KIF22: variants seen among roughly 807,000 people sequenced by gnomAD.
KIF22 encodes kinesin family member 22.
KIF22 carries 62 observed loss-of-function variants against 73.0 expected under a neutral mutation model. The ratio of observed to expected loss-of-function variants is 0.85; its 90% CI spans 0.69 to 1.05. The LOEUF is 1.05. KIF22 is among the 50% of genes least tolerant of loss of function. KIF22 has a pLI of 0.00. For missense variants in KIF22, 854 were observed against 870.1 expected (o/e 0.98, Z 0.23); for synonymous variants, 411 against 340.1 (o/e 1.21, Z -2.29).
At chr16:29,790,855 C>G (rs1370598233) in intron 1 of KIF22, 26 bp downstream of exon 1, 2 of 1,583,592 alleles carry the variant, frequency 1.3e-6, no homozygotes, top group Admixed American at 1.8e-5. Context: ...CTGGGCAAGG[C>G]GGGTACCGAC....
At position 29,805,137 on chromosome 16, in the gene KIF22, A is replaced by G. The variant is rs772351052; in HGVS notation, c.1913A>G (p.Glu638Gly). 7 of 1,613,378 alleles carry G rather than the reference A, an allele frequency of 4.3e-6. No homozygotes were observed. The highest frequency in any genetic ancestry group is 5.9e-6 in the Non-Finnish European group (7 of 1,179,938). The change falls in exon 13 of 14, where the codon GAG becomes GGG. Residue 638 changes from glutamate to glycine, a missense_variant. By Grantham distance (98) the Glu-to-Gly change is moderately conservative (BLOSUM62 -2). Transcript: ENST00000160827. ...FSQVEDLERVEGITGKQMESF... is the reference protein window; with the variant it reads ...FSQVEDLERVGGITGKQMESF... Reference sequence around the variant, plus strand: ...CAGGTGGAGGACCTGGAACGCGTGGAGGGCATAACGGGGAAACAGATGGAG... The same window carrying G: ...CAGGTGGAGGACCTGGAACGCGTGGGGGGCATAACGGGGAAACAGATGGAG...
chr16:29,803,064 C>T (rs917862411), intron 9 of KIF22, 127 bp downstream of exon 9: 1 of 904,766 alleles, frequency 1.1e-6, no homozygotes, highest in African/African-American at 1.7e-5. Flanking sequence ...CGGAAGTTCT[C>T]CAGCTTCTGC....
Position 29,803,723 on chromosome 16 carries a change from A to AGG in KIF22, c.1609+117_1609+118dup, listed in dbSNP as rs1899228788. The AGG allele has an allele frequency of 6.0e-5, 56 of 935,608 alleles. 1 individual carries two copies. In the South Asian group the frequency reaches 8.7e-4, roughly 14 times the overall value. The allele number at this position is 935,608 out of a possible 1,614,324, so 58.0% of individuals were successfully genotyped here. ...TATTCTCCCACCACATACCAGTCCC[A>AGG]GGGAGGGGTGAGGAGGCTCTGAGGC... On this transcript the variant is annotated intron_variant, in intron 10 of 13. Coordinates refer to ENST00000160827, the MANE Select transcript of KIF22 (RefSeq NM_007317.3).
Position 29,805,343 on chromosome 16 carries a change from T to C in KIF22, c.*33T>C. On this transcript the variant is annotated 3_prime_UTR_variant, in exon 14 of 14. Coordinates refer to ENST00000160827, the MANE Select transcript of KIF22 (RefSeq NM_007317.3). ...CTCCTCACTCCGCCTTTTCAAATTT[T>C]TGTATAACCCCGTGTTGTGTAAATA... 6.2e-7 allele frequency: 1 copy of C among 1,604,470 alleles called. No homozygotes were observed. Among genetic ancestry groups the C allele is most frequent in the Non-Finnish European group, 8.5e-7 (1 of 1,175,670 alleles).
chr16:29,792,875 G>A (rs1898853688), intron 1 of KIF22, among the ~76,000 whole-genome samples: 1 of 152,168 alleles, frequency 6.6e-6, no homozygotes, highest in Admixed American at 6.5e-5. Context: ...AATGACTAGA[G>A]GGCAGGGAGA....
At chr16:29,799,836 T>G (rs1899073561) in intron 7 of KIF22, 55 bp downstream of exon 7, 2 of 1,612,744 alleles carry the variant, frequency 1.2e-6, no homozygotes, top group Non-Finnish European at 1.7e-6. Context: ...TTAGGGAGTT[T>G]GTTGAAACCA....
Position 29,799,479 on chromosome 16 carries a change from C to G in KIF22, c.975C>G (p.Leu325=), listed in dbSNP as rs1160719765. ...LPRVPYRDSK[L]TRLLQDSLGG... is the part of the protein sequence containing the mutation. ...GTGTACCTTATCGGGACAGCAAGCT[C>G]ACTCGCCTATTGCAGGTCAGGCCCA... is the stretch of plus-strand genomic sequence containing the variant. The change falls in exon 6 of 14, where the codon CTC becomes CTG. Residue 325 remains leucine, a synonymous_variant. Transcript: ENST00000160827. 6.2e-7 allele frequency: 1 copy of G among 1,614,162 alleles called. No homozygotes were observed.
rs775322288 is a variant in KIF22, at chr16:29,790,779, C to A, written c.20C>A (p.Thr7Lys). MAAGGS[T>K]QQRRREMAAA... ...AGTGGAATGGCCGCGGGCGGCTCGACGCAGCAGAGGCGACGCGAGATGGCG... is the reference window on the plus strand; with the variant it reads ...AGTGGAATGGCCGCGGGCGGCTCGAAGCAGCAGAGGCGACGCGAGATGGCG... Residue 7 changes from threonine to lysine, a missense_variant, in exon 1 of 14, where the codon ACG (threonine) becomes AAG (lysine). This residue lies in a region of KIF22 where 186 missense variants were observed against 152.9 expected (regional missense o/e 1.22). Coordinates refer to ENST00000160827, the MANE Select transcript of KIF22 (RefSeq NM_007317.3). 17 of 1,600,638 alleles carry A rather than the reference C, an allele frequency of 1.1e-5. No individual in the cohort carries two copies. The East Asian group carries it at 2.5e-4, about 23-fold the overall frequency.
At chr16:29,805,201 T>C (rs780397361) in intron 13 of KIF22, 27 bp downstream of exon 13, 8 of 1,614,086 alleles carry the variant, frequency 5.0e-6, no homozygotes, top group Non-Finnish European at 6.8e-6. Context: ...GCCCCTCCTC[T>C]GCCTGTCCTG....
At chr16:29,790,932 C>A in intron 1 of KIF22, 103 bp downstream of exon 1, 1 of 1,516,106 alleles carries the variant, frequency 6.6e-7, no homozygotes, top group Non-Finnish European at 8.9e-7. Flanking sequence ...CGCGGAGAGG[C>A]GGCCATGGCG....
In KIF22 at chr16:29,799,326, C is replaced by T; in HGVS notation, c.822C>T (p.Asp274=). ...GAGAGGGAAAACTCTACCTGATTGA[C>T]TTGGCTGGGTCAGAGGACAACCGGC... is the stretch of plus-strand genomic sequence containing the variant. The part of the protein sequence containing the change: ...RQREGKLYLI[D]LAGSEDNRRT... The change falls in exon 6 of 14, where the codon GAC becomes GAT. Residue 274 remains aspartate (D), a synonymous_variant. Transcript: ENST00000160827. 1 of 1,614,236 alleles carries T rather than the reference C, an allele frequency of 6.2e-7. No homozygotes were observed. Among genetic ancestry groups the T allele is most frequent in the Non-Finnish European group, 8.5e-7 (1 of 1,180,046 alleles).
In KIF22 at chr16:29,803,555, C is replaced by T. The variant is rs764488170; in HGVS notation, c.1556C>T (p.Thr519Ile). ...PTMLRPLSHR[T>I]VTGAKPLKKA... ...ATGCTCCGGCCCCTTTCACATCGCACAGTCACAGGGGCAAAGCCCCTGAAA... is the reference window on the plus strand; with the variant it reads ...ATGCTCCGGCCCCTTTCACATCGCATAGTCACAGGGGCAAAGCCCCTGAAA... The change falls in exon 10 of 14, where the codon ACA (threonine) becomes ATA (isoleucine). Residue 519 changes from threonine (T) to isoleucine (I), a missense_variant. By Grantham distance (89) the Thr-to-Ile change is moderately conservative. This residue lies in a region of KIF22 where 423 missense variants were observed against 365.4 expected (regional missense o/e 1.16). Transcript: ENST00000160827. 6.8e-6 allele frequency: 11 copies of T among 1,613,630 alleles called. No individual in the cohort carries two copies. Among genetic ancestry groups the T allele is most frequent in the Non-Finnish European group, 9.3e-6 (11 of 1,179,802 alleles).
rs767798066 is a variant in KIF22 at position 29,799,652 on chromosome 16, A to G, written c.1015A>G (p.Ser339Gly). The G allele has an allele frequency of 1.2e-6, 2 of 1,613,968 alleles. No homozygotes were observed. Among genetic ancestry groups the G allele is most frequent in the African/African-American group, 1.3e-5 (1 of 74,898 alleles). The change falls in exon 7 of 14, where the codon AGT becomes GGT. Residue 339 changes from serine to glycine, a missense_variant. Ser to Gly is a moderately conservative substitution (Grantham distance 56). This residue lies in a region of KIF22 where 245 missense variants were observed against 351.8 expected (regional missense o/e 0.70). Coordinates refer to ENST00000160827, the MANE Select transcript of KIF22 (RefSeq NM_007317.3). The part of the protein sequence containing the change: ...LQDSLGGSAH[S>G]ILIANIAPER... ...GGACTCTCTGGGTGGCTCAGCCCAC[A>G]GTATCCTTATTGCCAACATTGCCCC...
rs201631186 is a variant in KIF22 at position 29,802,813 on chromosome 16, G to A, written c.1325G>A (p.Arg442His). 113 of 1,606,616 alleles carry A rather than the reference G, an allele frequency of 7.0e-5. No homozygotes were observed. The East Asian group carries it at 1.5e-3, about 22-fold the overall frequency. ...LSSMDPAMLE[R>H]LLSLDRLLAS... ...AGCATGGACCCGGCCATGCTGGAGC[G>A]CCTCCTCAGCTTGGACCGTCTGCTT... is the stretch of plus-strand genomic sequence containing the variant. The change falls in exon 9 of 14, where the codon CGC becomes CAC. Residue 442 changes from arginine to histidine, a missense_variant. Around this residue, in one of 3 missense-constraint regions of KIF22, gnomAD observed 423 missense variants for 365.4 expected, o/e 1.16. Transcript: ENST00000160827.
At chr16:29,803,966 C>A in intron 10 of KIF22, 32 bp from the exon 11 acceptor site, 2 of 1,570,008 alleles carry the variant, frequency 1.3e-6, no homozygotes, top group Non-Finnish European at 1.8e-6. Flanking sequence ...GTACCCTTTG[C>A]CCTGACTCCA....
At chr16:29,790,958 G>A (rs1179991506) in intron 1 of KIF22, 129 bp downstream of exon 1, 4 of 1,500,798 alleles carry the variant, frequency 2.7e-6, no homozygotes, top group Non-Finnish European at 3.6e-6. Context: ...GCGGGGAGAG[G>A]GGGACGGTGA....
In KIF22 at chr16:29,805,320, C is replaced by T. The variant is rs1301279473; in HGVS notation, c.*10C>T. ...CTGTGGCGCCTCCTGACCGTCGTCT[C>T]CTCACTCCGCCTTTTCAAATTTTTG... On this transcript the variant is annotated 3_prime_UTR_variant, in exon 14 of 14. Transcript: ENST00000160827. 4 of 1,612,180 alleles carry T rather than the reference C, an allele frequency of 2.5e-6. No individual in the cohort carries two copies. The highest frequency in any genetic ancestry group is 2.2e-5 in the East Asian group (1 of 44,872).
chr16:29,794,818 T>G (rs918072390), intron 1 of KIF22, among the ~76,000 whole-genome samples: 26 of 152,264 alleles, frequency 1.7e-4, no homozygotes, highest in Admixed American at 1.7e-3. Flanking sequence ...TCAGGTGATC[T>G]GCCCACCTTG....
chr16:29,804,330 G>A (rs1389886589), intron 11 of KIF22: 19 of 601,986 alleles, frequency 3.2e-5, no homozygotes, highest in Non-Finnish European at 5.0e-5. Flanking sequence ...AAGCTTAAGA[G>A]GGAAAACTTA....
Sources: gnomAD v4.1 joint callset for allele counts (sites outside exome capture counted in the v4.1 genomes callset) on GRCh38, gnomAD v4.1.1 for gene constraint, gnomAD v4.1.1 regional missense constraint, MANE v1.5 for transcripts, NCBI Gene and HGNC (gene_info 2026-07-23, HGNC 2026-07-21) for gene names.